TMEM131: variants seen among roughly 807,000 people sequenced by gnomAD.
The protein encoded by TMEM131 is transmembrane protein 131, also known as 2610524E03Rik.
In TMEM131, 66 loss-of-function variants were observed where a neutral mutation model predicts 211.6. That is an observed-to-expected ratio of 0.31 (90% CI 0.26 to 0.38). The LOEUF (loss-of-function observed/expected upper bound fraction) is 0.38. Ranked by LOEUF, TMEM131 falls within the 10% of genes least tolerant of loss-of-function variation. TMEM131 has a pLI of 1.00. For missense variants in TMEM131, 2,036 were observed against 2,299.3 expected (o/e 0.89, Z 2.34); for synonymous variants, 844 against 841.3 (o/e 1.00, Z -0.06).
chr2:97,915,427 T>C (rs990529372), intron 2 of TMEM131, among the ~76,000 whole-genome samples: 3 of 152,140 alleles, frequency 2.0e-5, no homozygotes, highest in Non-Finnish European at 4.4e-5. Flanking sequence ...CTCAAAAGAT[T>C]CTCTGCTTCT....
rs1559362332 is a variant in TMEM131, at chr2:97,792,951, A to C, written c.3579T>G (p.Ser1193Arg). 6.2e-7 allele frequency: 1 copy of C among 1,602,298 alleles called. No homozygotes were observed. The highest frequency in any genetic ancestry group is 8.5e-7 in the Non-Finnish European group (1 of 1,174,786). Residue 1193 changes from serine (S) to arginine (R), a missense_variant, in exon 31 of 41, where the codon AGT (serine) becomes AGG (arginine). Physicochemically the swap from Ser to Arg is moderately radical, Grantham distance 110. This residue lies in a region of TMEM131 where 1,623 missense variants were observed against 1,805.9 expected (regional missense o/e 0.90). Transcript: ENST00000186436. ...LNTLSCDPGH[S>R]RGFCGAGGSS... ...AACCGCCTGCTCCACAGAACCCCCT[A>C]CTGTGACCGGGGTCACAGCTGAGTG...
intron 35 of TMEM131, among the ~76,000 whole-genome samples, chr2:97,765,579 T>C (rs1481260911): frequency 3.9e-5 from 6 of 152,210 alleles, no homozygotes; most frequent in African/African-American, 1.2e-4. Context: ...CTATTTTGGT[T>C]GACTGTGCCT....
At chr2:97,909,076 G>T (rs920357462) in intron 2 of TMEM131, among the ~76,000 whole-genome samples, 3 of 152,136 alleles carry the variant, frequency 2.0e-5, no homozygotes, top group Non-Finnish European at 2.9e-5. Flanking sequence ...GTGTGTGAGG[G>T]AGATAGTCAT....
chr2:97,847,430 T>C (rs192862639), intron 5 of TMEM131, among the ~76,000 whole-genome samples: 1 of 152,198 alleles, frequency 6.6e-6, no homozygotes, highest in Non-Finnish European at 1.5e-5. Flanking sequence ...AAAAACGTAC[T>C]ATTTAGGATA....
At chr2:97,882,078 GAACCTTACCTTAAAAT>G in intron 4 of TMEM131, among the ~76,000 whole-genome samples, 1 of 152,244 alleles carries the variant, frequency 6.6e-6, no homozygotes, top group East Asian at 1.9e-4. Flanking sequence ...TTCACAAAAA[GAACCTTACCTTAAAAT>G]TACTAAGCAA....
rs1245033961 is a variant in TMEM131, at chr2:97,995,641, C to T, written c.22G>A (p.Gly8Arg). MGKRAGGGATGATTAAVS... is the reference protein window; with the variant it reads MGKRAGGRATGATTAAVS... ...GCGGCGGTGGTGGCTCCGGTTGCTC[C>T]TCCTCCCGCCCGCTTCCCCATCCCT... Residue 8 changes from glycine (G) to arginine (R), a missense_variant, in exon 1 of 41, where the codon GGA (glycine) becomes AGA (arginine). Physicochemically the swap from Gly to Arg is moderately radical, Grantham distance 125 (BLOSUM62 -2). Coordinates refer to ENST00000186436, the MANE Select transcript of TMEM131 (RefSeq NM_015348.2). The T allele has an allele frequency of 2.5e-5, 30 of 1,218,724 alleles. No homozygotes were observed. Among genetic ancestry groups the T allele is most frequent in the Middle Eastern group, 3.2e-4 (1 of 3,132 alleles). The allele number at this position is 1,218,724 out of a possible 1,614,324, so 75.5% of individuals were successfully genotyped here. A position where few individuals can be genotyped will look rare whatever the true frequency, so the allele number is the denominator to read the frequency against.
At chr2:97,991,651 A>T (rs1175703662) in intron 1 of TMEM131, among the ~76,000 whole-genome samples, 2 of 152,208 alleles carry the variant, frequency 1.3e-5, no homozygotes, top group African/African-American at 4.8e-5. Flanking sequence ...AGAAGTACAG[A>T]GTCACCGAAA....
At chr2:97,769,157 G>C (rs1264784492) in intron 33 of TMEM131, among the ~76,000 whole-genome samples, 1 of 145,326 alleles carries the variant, frequency 6.9e-6, no homozygotes. Context: ...TAATTTAAAA[G>C]AAAAACTTTT....
rs1559339728 is a variant in TMEM131, at chr2:97,759,733, G to C, written c.5125C>G (p.Pro1709Ala). 1 of 1,613,146 alleles carries C rather than the reference G, an allele frequency of 6.2e-7. No homozygotes were observed. The highest frequency in any genetic ancestry group is 8.5e-7 in the Non-Finnish European group (1 of 1,179,542). ...TCAGGGCTGCTTGGGTTGCTGACGG[G>C]ACTCCACAAACCCGAGCTAAATGTT... is the stretch of plus-strand genomic sequence containing the variant. ...DGSDSSGLWS[P>A]VSNPSSPDFT... The change falls in exon 39 of 41, where the codon CCC becomes GCC. Residue 1709 changes from proline to alanine, a missense_variant. Physicochemically the swap from Pro to Ala is conservative, Grantham distance 27. Transcript: ENST00000186436.
chr2:97,830,503 T>C (rs1487580666), intron 11 of TMEM131, among the ~76,000 whole-genome samples: 1 of 152,238 alleles, frequency 6.6e-6, no homozygotes, highest in Non-Finnish European at 1.5e-5. Flanking sequence ...CTAAAACTGC[T>C]TATAAAAGCA....
chr2:97,825,157 T>G (rs1215351503), intron 11 of TMEM131, among the ~76,000 whole-genome samples: 1 of 152,192 alleles, frequency 6.6e-6, no homozygotes, highest in Non-Finnish European at 1.5e-5. Context: ...CTCATCTGTT[T>G]GGTCAGGCAC....
intron 1 of TMEM131, among the ~76,000 whole-genome samples, chr2:97,943,057 G>GAAAGAAAGA (rs1378529308): frequency 1.9e-4 from 15 of 77,760 alleles, no homozygotes; most frequent in Non-Finnish European, 4.1e-4. Context: ...AAGAAAGAAA[G>GAAAGAAAGA]AAAGAAAGAA....
At chr2:97,989,832 AAAC>A (rs918088298) in intron 1 of TMEM131, among the ~76,000 whole-genome samples, 43 of 152,224 alleles carry the variant, frequency 2.8e-4, no homozygotes, top group African/African-American at 5.8e-4. Flanking sequence ...GGGAATTAAA[AAAC>A]AACAACAACA....
At chr2:97,805,317 T>A in intron 21 of TMEM131, 59 bp downstream of exon 21, 1 of 1,585,308 alleles carries the variant, frequency 6.3e-7, no homozygotes, top group Non-Finnish European at 8.6e-7. Context: ...GGCGGCCTCT[T>A]ACTAAAAGAG....
At chr2:97,955,668 C>A (rs1011286069) in intron 1 of TMEM131, among the ~76,000 whole-genome samples, 1 of 151,664 alleles carries the variant, frequency 6.6e-6, no homozygotes, top group African/African-American at 2.4e-5. Context: ...ATATGGAAAC[C>A]AAAAAGTTAA....
intron 13 of TMEM131, 47 bp downstream of exon 13, chr2:97,815,152 T>C: frequency 9.4e-7 from 1 of 1,064,876 alleles, no homozygotes; most frequent in Non-Finnish European, 1.3e-6. Flanking sequence ...AAATATAATT[T>C]ACTGATTAGT....
At chr2:97,971,071 T>C (rs1188647839) in intron 1 of TMEM131, among the ~76,000 whole-genome samples, 1 of 152,208 alleles carries the variant, frequency 6.6e-6, no homozygotes, top group African/African-American at 2.4e-5. Flanking sequence ...TTTAAACATA[T>C]GAAGAAGATG....
At chr2:97,772,879 G>C (rs1285399818) in intron 32 of TMEM131, among the ~76,000 whole-genome samples, 2 of 152,352 alleles carry the variant, frequency 1.3e-5, no homozygotes, top group South Asian at 4.1e-4. Context: ...CTGGGCGACA[G>C]AGCGAGACGC....
In TMEM131 at chr2:97,805,209, A is replaced by C; in HGVS notation, c.2285-4T>G. ...CCAGGCTGCACTTTGGGTTCAGCTA[A>C]AACAAGGAAACATACTTAACCTGCA... On this transcript the variant is annotated splice_polypyrimidine_tract_variant and splice_region_variant and intron_variant, in intron 21 of 40. Transcript: ENST00000186436. 1 of 1,609,188 alleles carries C rather than the reference A, an allele frequency of 6.2e-7. No homozygotes were observed. Among genetic ancestry groups the C allele is most frequent in the Non-Finnish European group, 8.5e-7 (1 of 1,177,770 alleles).
Sources: allele counts gnomAD v4.1 joint callset (sites outside exome capture counted in the v4.1 genomes callset), GRCh38; gene constraint gnomAD v4.1.1; regional missense constraint gnomAD v4.1.1; transcripts MANE v1.5; gene names NCBI Gene and HGNC (gene_info 2026-07-23, HGNC 2026-07-21).